Variants in DMD observed in about 807,000 individuals in gnomAD.
The protein encoded by DMD is mutant dystrophin.
A neutral mutation model predicts 330.1 loss-of-function variants in DMD; 63 were observed. The ratio of observed to expected loss-of-function variants is 0.19; its 90% CI spans 0.16 to 0.24. DMD has a LOEUF of 0.24. Ranked by LOEUF, DMD falls within the 10% of genes least tolerant of loss-of-function variation. The probability of loss-of-function intolerance (pLI) is 1.00; values close to 1 mark genes in which losing one functional copy is unlikely to be tolerated. For missense variants in DMD, 3,344 were observed against 2,684.1 expected, an observed-to-expected ratio of 1.25 and a Z score of -5.43; for synonymous variants, 1,223 against 959.8, an observed-to-expected ratio of 1.27 and a Z score of -5.07.
chrX:32,507,237 A>G (rs1241645622), intron 18 of DMD, among the ~76,000 whole-genome samples: 1 of 111,666 alleles, frequency 9.0e-6, no homozygotes, highest in Non-Finnish European at 1.9e-5. Context: ...ATAAAGGAAC[A>G]ATGACAACAA....
intron 7 of DMD, among the ~76,000 whole-genome samples, chrX:32,763,751 GA>G (rs1273936076): frequency 9.0e-6 from 1 of 111,143 alleles, no homozygotes; most frequent in East Asian, 2.8e-4. Context: ...AATTAACATA[GA>G]AAAAAAGCAG....
intron 2 of DMD, among the ~76,000 whole-genome samples, chrX:32,860,832 C>A (rs2082024036): frequency 9.0e-6 from 1 of 111,207 alleles, no homozygotes; most frequent in Non-Finnish European, 1.9e-5. Flanking sequence ...CGACTTGTGG[C>A]ATCATAGGTT....
chrX:32,494,956 C>G (rs1325387508), intron 19 of DMD, among the ~76,000 whole-genome samples: 1 of 110,994 alleles, frequency 9.0e-6, no homozygotes, highest in Non-Finnish European at 1.9e-5. Flanking sequence ...GCCTGGGCAA[C>G]AGAGCAAGAG....
intron 2 of DMD, among the ~76,000 whole-genome samples, chrX:32,971,334 G>A (rs1356674304): frequency 9.0e-6 from 1 of 111,501 alleles, no homozygotes; most frequent in African/African-American, 3.3e-5. Flanking sequence ...GCAAGCCACA[G>A]CTCCAAGAAG....
rs749140682 is a variant in DMD at position 32,528,814 on chromosome X, G to A, written c.2169-10683C>T. Among the ~76,000 whole-genome samples, 5 of 108,652 alleles carry A rather than the reference G, an allele frequency of 4.6e-5. No individual in the cohort carries two copies. In the South Asian group the frequency reaches 2.0e-3, roughly 44 times the overall value. 94.4% of individuals were successfully genotyped at this position (108,652 alleles called of 115,157 possible). ...GGTCTTTAGACAAACTCAACCAATTGTCAACCAGAAAATGTTTAAATTTAC... is the reference window on the plus strand; with the variant it reads ...GGTCTTTAGACAAACTCAACCAATTATCAACCAGAAAATGTTTAAATTTAC... On this transcript the variant is annotated intron_variant, in intron 17 of 78. Coordinates refer to ENST00000357033, the MANE Select transcript of DMD (RefSeq NM_004006.3).
rs374992702 is a variant in DMD, at chrX:32,295,243, G to A, written c.6118-7542C>T. 5.4e-5 allele frequency among the ~76,000 whole-genome samples: 6 copies of A among 111,545 alleles called. No homozygotes were observed. The East Asian group carries it at 8.4e-4, about 16-fold the overall frequency. ...ATCTGTACACGAATTTATACAACTC[G>A]AGTCCTTAATATTTTAAAATAGGAT... On this transcript the variant is annotated intron_variant, in intron 42 of 78. Transcript: ENST00000357033.
chrX:32,232,126 G>A (rs1006581020), intron 43 of DMD, among the ~76,000 whole-genome samples: 1 of 111,296 alleles, frequency 9.0e-6, no homozygotes, highest in Admixed American at 9.6e-5. Flanking sequence ...GAAATAGCAA[G>A]GAAAAACTTC....
intron 45 of DMD, among the ~76,000 whole-genome samples, chrX:31,941,583 G>A (rs1216002094): frequency 1.8e-5 from 2 of 111,065 alleles, no homozygotes; most frequent in Non-Finnish European, 3.8e-5. Context: ...GGTAGTATAC[G>A]TACAGGTTTG....
chrX:31,688,157 CA>C (rs1468890957), intron 52 of DMD, among the ~76,000 whole-genome samples: 2 of 109,955 alleles, frequency 1.8e-5, no homozygotes, highest in African/African-American at 3.3e-5. Context: ...AAAAACCCTT[CA>C]AAAAAATCAA....
intron 1 of DMD, among the ~76,000 whole-genome samples, chrX:33,283,097 A>C (rs766108590): frequency 8.9e-6 from 1 of 112,284 alleles, no homozygotes; most frequent in East Asian, 2.8e-4. Context: ...CGTGATTCAG[A>C]TAACTTGGTT....
In DMD at chrX:31,823,933, G is replaced by C. The variant is rs187236889; in HGVS notation, c.7201-3850C>G. Reference sequence around the variant, plus strand: ...ATTTAAAAAGTAATCTCATAGACTAGGGTCACAAATTCAGGTCCCTATAGG... The same window carrying C: ...ATTTAAAAAGTAATCTCATAGACTACGGTCACAAATTCAGGTCCCTATAGG... On this transcript the variant is annotated intron_variant, in intron 49 of 78. Coordinates refer to ENST00000357033, the MANE Select transcript of DMD (RefSeq NM_004006.3). 1.7e-3 allele frequency among the ~76,000 whole-genome samples: 192 copies of C among 111,577 alleles called. 1 individual carries two copies. The highest frequency in any genetic ancestry group is 5.5e-4 in the Non-Finnish European group (29 of 53,113).
chrX:32,797,997 TTAAC>T (rs1391320275), intron 7 of DMD, among the ~76,000 whole-genome samples: 1 of 111,852 alleles, frequency 8.9e-6, no homozygotes, highest in Non-Finnish European at 1.9e-5. Flanking sequence ...AAACTCTTAC[TTAAC>T]TAAAGCATAC....
chrX:32,644,589 G>C (rs776500910), intron 10 of DMD, among the ~76,000 whole-genome samples: 1 of 109,993 alleles, frequency 9.1e-6, no homozygotes, highest in East Asian at 2.8e-4. Flanking sequence ...CCGCAAGGGA[G>C]TTGAAGATGG....
chrX:32,901,721 G>A (rs1569540905), intron 2 of DMD, among the ~76,000 whole-genome samples: 1 of 110,631 alleles, frequency 9.0e-6, no homozygotes, highest in Non-Finnish European at 1.9e-5. Context: ...ATAGGAAAAC[G>A]CTGAATTACG....
chrX:31,677,368 C>A (rs2148721428), intron 53 of DMD, among the ~76,000 whole-genome samples: 1 of 111,807 alleles, frequency 8.9e-6, no homozygotes, highest in East Asian at 2.8e-4. Context: ...GTATGCCTCT[C>A]ATCTCTCCTT....
At chrX:32,169,886 T>C (rs1387111291) in intron 44 of DMD, among the ~76,000 whole-genome samples, 2 of 111,684 alleles carry the variant, frequency 1.8e-5, no homozygotes, top group Non-Finnish European at 3.8e-5. Context: ...ATGTGCATAT[T>C]ATTTTTTGAC....
At chrX:33,109,927 C>T (rs1434938086) in intron 1 of DMD, among the ~76,000 whole-genome samples, 1 of 109,747 alleles carries the variant, frequency 9.1e-6, no homozygotes, top group African/African-American at 3.3e-5. Flanking sequence ...CAAATGAAAA[C>T]AGAATAGGAT....
intron 44 of DMD, among the ~76,000 whole-genome samples, chrX:32,149,223 G>C (rs2096793156): frequency 9.0e-6 from 1 of 111,550 alleles, no homozygotes; most frequent in African/African-American, 3.3e-5. Context: ...GCAGTTAGAG[G>C]CATCTAGTGG....
intron 9 of DMD, among the ~76,000 whole-genome samples, chrX:32,661,082 A>T (rs1249520598): frequency 2.7e-5 from 3 of 109,252 alleles, no homozygotes; most frequent in Non-Finnish European, 5.7e-5. Flanking sequence ...GAAAACCTGT[A>T]TATTAAAAAT....
Sources: gnomAD v4.1 joint callset for allele counts (sites outside exome capture counted in the v4.1 genomes callset) on GRCh38, gnomAD v4.1.1 for gene constraint, MANE v1.5 for transcripts, NCBI Gene and HGNC (gene_info 2026-07-23, HGNC 2026-07-21) for gene names.